Variants in NAALADL2 observed in about 807,000 individuals in gnomAD.
NAALADL2 encodes inactive N-acetylated-alpha-linked acidic dipeptidase-like protein 2.
In NAALADL2, 76 loss-of-function variants were observed where a neutral mutation model predicts 87.2. The observed-to-expected ratio is 0.87, with a 90% confidence interval of 0.72 to 1.05. The LOEUF is 1.05. Ranked by LOEUF, NAALADL2 falls within the 50% of genes least tolerant of loss-of-function variation. The probability of loss-of-function intolerance (pLI) is 0.00; values close to 1 mark genes in which losing one functional copy is unlikely to be tolerated. For synonymous variants in NAALADL2, 354 were observed against 331.0 expected, an observed-to-expected ratio of 1.07 and a Z score of -0.75; for missense variants, 1,089 against 945.8, an observed-to-expected ratio of 1.15 and a Z score of -1.99.
intron 5 of NAALADL2, among the ~76,000 whole-genome samples, chr3:175,444,139 G>A (rs372008561): frequency 2.6e-5 from 4 of 152,156 alleles, no homozygotes; most frequent in African/African-American, 4.8e-5. Context: ...GCTTTGAATG[G>A]CAAGCTAAAG....
At chr3:175,311,324 T>G (rs1344971055) in intron 4 of NAALADL2, among the ~76,000 whole-genome samples, 1 of 151,800 alleles carries the variant, frequency 6.6e-6, no homozygotes, top group African/African-American at 2.4e-5. Flanking sequence ...ATCTATAAAG[T>G]CACATTATTA....
intron 3 of NAALADL2, among the ~76,000 whole-genome samples, chr3:174,846,685 T>G (rs893617686): frequency 6.6e-6 from 1 of 152,154 alleles, no homozygotes; most frequent in African/African-American, 2.4e-5. Context: ...TTAAGTACAC[T>G]TGGGGACATC....
intron 2 of NAALADL2, among the ~76,000 whole-genome samples, chr3:175,138,904 A>G (rs1729560804): frequency 8.0e-6 from 1 of 125,214 alleles, no homozygotes; most frequent in South Asian, 2.6e-4. Context: ...ATATATATAT[A>G]TATATATATA....
intron 3 of NAALADL2, among the ~76,000 whole-genome samples, chr3:174,756,597 A>G (rs1395044748): frequency 6.6e-6 from 1 of 152,260 alleles, no homozygotes; most frequent in Non-Finnish European, 1.5e-5. Flanking sequence ...AATCTTATCC[A>G]GTTTTGCCTA....
At chr3:175,131,990 A>C (rs1275230308) in intron 2 of NAALADL2, among the ~76,000 whole-genome samples, 76 of 68,428 alleles carry the variant, frequency 1.1e-3, no homozygotes, top group East Asian at 4.1e-3. Context: ...GCTGGCCGGG[A>C]GGGGGACTGA....
intron 4 of NAALADL2, among the ~76,000 whole-genome samples, chr3:175,312,585 G>T (rs1560337786): frequency 6.6e-6 from 1 of 152,048 alleles, no homozygotes; most frequent in Non-Finnish European, 1.5e-5. Context: ...TGTTTGTAAA[G>T]GATGGACGTA....
chr3:175,066,521 A>C (rs185336967), intron 1 of NAALADL2, among the ~76,000 whole-genome samples: 92 of 152,264 alleles, frequency 6.0e-4, no homozygotes, highest in Non-Finnish European at 1.2e-3. Context: ...GAAACAACCA[A>C]AAGTGCTTGT....
intron 3 of NAALADL2, among the ~76,000 whole-genome samples, chr3:174,815,262 G>C (rs555416957): frequency 6.6e-6 from 1 of 152,218 alleles, no homozygotes; most frequent in East Asian, 1.9e-4. Context: ...TCGGAGTGCT[G>C]GAGTTAGATT....
intron 1 of NAALADL2, among the ~76,000 whole-genome samples, chr3:174,903,788 A>T (rs1434902456): frequency 1.3e-5 from 2 of 151,820 alleles, no homozygotes; most frequent in Non-Finnish European, 1.5e-5. Context: ...TTTTCAGGTA[A>T]TGAGATTAAG....
intron 3 of NAALADL2, among the ~76,000 whole-genome samples, chr3:175,243,095 GCA>G (rs1382994545): frequency 2.1e-5 from 2 of 94,520 alleles, no homozygotes; most frequent in South Asian, 3.4e-4. Flanking sequence ...ACACACACAC[GCA>G]CACACACACA....
At chr3:174,830,509 A>G (rs1173701201) in intron 3 of NAALADL2, among the ~76,000 whole-genome samples, 3 of 151,772 alleles carry the variant, frequency 2.0e-5, no homozygotes, top group Non-Finnish European at 4.4e-5. Flanking sequence ...TGTTTTGGTT[A>G]CTGTAGCCTT....
chr3:174,896,000 TAAAA>T (rs527882943), intron 1 of NAALADL2, among the ~76,000 whole-genome samples: 1 of 151,436 alleles, frequency 6.6e-6, no homozygotes, highest in Admixed American at 6.6e-5. Context: ...CGTTACATGA[TAAAA>T]AAAAATCTTA....
intron 2 of NAALADL2, among the ~76,000 whole-genome samples, chr3:175,127,035 G>A (rs570703064): frequency 3.3e-5 from 5 of 152,008 alleles, no homozygotes; most frequent in Non-Finnish European, 7.4e-5. Context: ...TGCTGAAATC[G>A]CCCTGAGGAA....
chr3:175,315,546 C>T (rs372605183), intron 4 of NAALADL2, among the ~76,000 whole-genome samples: 65 of 152,166 alleles, frequency 4.3e-4, no homozygotes, highest in African/African-American at 1.5e-3. Flanking sequence ...TAGAAATATT[C>T]CCAATATAAA....
intron 3 of NAALADL2, among the ~76,000 whole-genome samples, chr3:174,848,948 A>G (rs573701153): frequency 2.0e-5 from 3 of 152,186 alleles, no homozygotes; most frequent in South Asian, 4.1e-4. Flanking sequence ...GCATATTACT[A>G]TACTGAATAT....
chr3:174,606,147 A>C (rs1310960219), intron 2 of NAALADL2, among the ~76,000 whole-genome samples: 1 of 152,200 alleles, frequency 6.6e-6, no homozygotes, highest in Non-Finnish European at 1.5e-5. Flanking sequence ...CAGAAAGGAC[A>C]TCCACACCAA....
intron 2 of NAALADL2, among the ~76,000 whole-genome samples, chr3:174,723,697 A>G (rs572197896): frequency 1.0e-3 from 140 of 133,994 alleles, no homozygotes; most frequent in Middle Eastern, 4.3e-3. Context: ...CGGAGCTCGC[A>G]GTGAGCAGAG....
At chr3:174,816,863 T>A (rs2109315696) in intron 3 of NAALADL2, among the ~76,000 whole-genome samples, 1 of 152,284 alleles carries the variant, frequency 6.6e-6, no homozygotes, top group South Asian at 2.1e-4. Flanking sequence ...GCTCAATGAT[T>A]AGGAGTGCAT....
intron 4 of NAALADL2, among the ~76,000 whole-genome samples, chr3:175,300,824 C>A (rs1217070525): frequency 6.6e-6 from 1 of 150,844 alleles, no homozygotes; most frequent in African/African-American, 2.4e-5. Context: ...CTCACTGCAA[C>A]CTCCGCCTCC....
Sources: allele counts gnomAD v4.1 joint callset (sites outside exome capture counted in the v4.1 genomes callset), GRCh38; gene constraint gnomAD v4.1.1; transcripts MANE v1.5; gene names NCBI Gene and HGNC (gene_info 2026-07-23, HGNC 2026-07-21).